HECTD4: variants seen among roughly 807,000 people sequenced by gnomAD.
The protein encoded by HECTD4 is HECT domain E3 ubiquitin protein ligase 4.
Under a neutral mutation model 471.5 loss-of-function variants are expected in HECTD4, and 114 were observed. The ratio of observed to expected loss-of-function variants is 0.24; its 90% CI spans 0.21 to 0.28. HECTD4 has a LOEUF of 0.28. Among genes scored for constraint, HECTD4 ranks in the 10% least tolerant of loss-of-function variants. HECTD4 has a pLI of 1.00. For missense variants in HECTD4, 3,866 were observed against 5,651.5 expected (o/e 0.68, Z 10.13); for synonymous variants, 2,012 against 2,256.0 (o/e 0.89, Z 3.07).
At chr12:112,360,721 C>T (rs1378173528) in intron 1 of HECTD4, among the ~76,000 whole-genome samples, 2 of 152,164 alleles carry the variant, frequency 1.3e-5, no homozygotes, top group African/African-American at 4.8e-5. Context: ...CGGTGGCTCA[C>T]GCCTGTAATT....
At chr12:112,280,394 G>A (rs10161290) in intron 8 of HECTD4, among the ~76,000 whole-genome samples, 23,545 of 152,066 alleles carry the variant, frequency 0.15, 2,427 homozygotes, top group African/African-American at 0.29. Flanking sequence ...GATTGATTAT[G>A]TCAACAGAGA....
intron 29 of HECTD4, among the ~76,000 whole-genome samples, chr12:112,245,830 A>C (rs926088667): frequency 6.6e-6 from 1 of 152,192 alleles, no homozygotes; most frequent in Non-Finnish European, 1.5e-5. Context: ...TTTTTAGGCT[A>C]ACAATTAAAA....
intron 8 of HECTD4, among the ~76,000 whole-genome samples, chr12:112,280,234 C>CT (rs1203395339): frequency 2.0e-5 from 3 of 151,772 alleles, no homozygotes; most frequent in Admixed American, 6.6e-5. Flanking sequence ...ATACATTTTT[C>CT]TTTTTTTTAA....
chr12:112,190,635 G>T (rs1290301203), intron 60 of HECTD4, 151 bp downstream of exon 60: 4 of 619,584 alleles, frequency 6.5e-6, no homozygotes, highest in Non-Finnish European at 1.1e-5. Context: ...TATTCCCCAA[G>T]CCCACTTCAA....
chr12:112,185,257 C>T lies in HECTD4; in HGVS notation c.9709G>A (p.Gly3237Arg). ...TQNWVSGGAC[G>R]GSGGAAAGDQ... ...CCGGCCGCCGCCCCCCCGGAGCCCC[C>T]GCAGGCGCCGCCTGAGACCCAGTTC... The change falls in exon 61 of 76, where the codon GGG (glycine) becomes AGG (arginine). Residue 3237 changes from glycine to arginine, a missense_variant. By Grantham distance (125) the Gly-to-Arg change is moderately radical (BLOSUM62 -2). This residue lies in a region of HECTD4 where 364 missense variants were observed against 413.2 expected (regional missense o/e 0.88). Coordinates refer to ENST00000682272, the MANE Select transcript of HECTD4 (RefSeq NM_001388303.1). 2 of 1,549,970 alleles carry T rather than the reference C, an allele frequency of 1.3e-6. No individual in the cohort carries two copies. The highest frequency in any genetic ancestry group is 1.7e-6 in the Non-Finnish European group (2 of 1,146,452).
intron 1 of HECTD4, among the ~76,000 whole-genome samples, chr12:112,326,382 A>C (rs1054977724): frequency 5.3e-5 from 8 of 152,144 alleles, no homozygotes; most frequent in African/African-American, 1.9e-4. Context: ...AGTCCCAGCT[A>C]CCTAAAAGGC....
chr12:112,301,260 C>T (rs142003107), intron 7 of HECTD4, among the ~76,000 whole-genome samples: 5 of 150,742 alleles, frequency 3.3e-5, no homozygotes, highest in African/African-American at 1.2e-4. Flanking sequence ...TCAGCTCCGC[C>T]TTGGTGGAGC....
At position 112,256,503 on chromosome 12, in the gene HECTD4, C is replaced by T. The variant is rs529297560; in HGVS notation, c.3144G>A (p.Lys1048=). The part of the protein sequence containing the change: ...LFPDERMLEE[K]EEPGFLTGLK... ...AACCAGTGAGAAATCCTGGCTCTTC[C>T]TTCTCTTCTAACATTCTAAACAGAA... Residue 1048 remains lysine (K), a synonymous_variant, in exon 21 of 76, where the codon AAG becomes AAA. Coordinates refer to ENST00000682272, the MANE Select transcript of HECTD4 (RefSeq NM_001388303.1). 62 of 1,589,262 alleles carry T rather than the reference C, an allele frequency of 3.9e-5. No individual in the cohort carries two copies. In the South Asian group the frequency reaches 7.0e-4, roughly 18 times the overall value.
At chr12:112,209,073 A>T (rs1593931893) in intron 50 of HECTD4, among the ~76,000 whole-genome samples, 1 of 151,068 alleles carries the variant, frequency 6.6e-6, no homozygotes, top group African/African-American at 2.4e-5. Context: ...GCTATTTTTT[A>T]AATTTTTTTG....
intron 10 of HECTD4, 68 bp from the exon 11 acceptor site, chr12:112,273,863 C>A: frequency 6.4e-7 from 1 of 1,560,684 alleles, no homozygotes; most frequent in South Asian, 1.2e-5. Context: ...TTCTCACAAG[C>A]ACTGCTACAA....
chr12:112,316,249 A>G (rs1050240728), intron 2 of HECTD4, among the ~76,000 whole-genome samples: 1 of 152,128 alleles, frequency 6.6e-6, no homozygotes, highest in African/African-American at 2.4e-5. Flanking sequence ...ACTCTCTGCC[A>G]CTGGCTGCTT....
At chr12:112,225,620 CAAA>C (rs781152688) in intron 44 of HECTD4, among the ~76,000 whole-genome samples, 11 of 56,262 alleles carry the variant, frequency 2.0e-4, no homozygotes, top group Non-Finnish European at 3.2e-4. Flanking sequence ...AATTGTAAGG[CAAA>C]AAAAAAAAAA....
At chr12:112,249,353 CAAA>C (rs766001113) in intron 25 of HECTD4, among the ~76,000 whole-genome samples, 217 of 90,418 alleles carry the variant, frequency 2.4e-3, no homozygotes, top group African/African-American at 8.1e-3. Context: ...GACTCCCTCT[CAAA>C]AAAAAAAAAA....
Position 112,235,240 on chromosome 12 carries a change from C to G in HECTD4, c.5752G>C (p.Ala1918Pro). 1 of 1,613,664 alleles carries G rather than the reference C, an allele frequency of 6.2e-7. No homozygotes were observed. The highest frequency in any genetic ancestry group is 8.5e-7 in the Non-Finnish European group (1 of 1,179,796). ...GTCAATGTGGTGTCAGGTTCAGAAG[C>G]GGTTGGAGAAAGAACTGTCTGACAT... ...PGCQTVLSPTASEPDTTLTKT... is the reference protein window; with the variant it reads ...PGCQTVLSPTPSEPDTTLTKT... The change falls in exon 37 of 76, where the codon GCT (alanine) becomes CCT (proline). Residue 1918 changes from alanine to proline, a missense_variant. Transcript: ENST00000682272. This position sits in a 1 kb window ranked among gnomAD's most constrained non-coding sequence, Gnocchi z 5.0.
chr12:112,285,201 G>A (rs2034724832), intron 7 of HECTD4, among the ~76,000 whole-genome samples: 1 of 152,134 alleles, frequency 6.6e-6, no homozygotes. Flanking sequence ...GCTGGCGAGT[G>A]AAGCCAGCAC....
chr12:112,376,323 T>A (rs1164139007), intron 1 of HECTD4, among the ~76,000 whole-genome samples: 3 of 152,084 alleles, frequency 2.0e-5, no homozygotes, highest in Admixed American at 6.6e-5. Flanking sequence ...CTCGGCTCAC[T>A]GCAAGCTCCG....
In HECTD4 at chr12:112,252,363, T is replaced by C. The variant is rs145131415; in HGVS notation, c.3552+61A>G. ...CTGTTTCCAAGGCAAATATGCTGTATGTAATCAAGGCACATAGCAGATAGT... is the reference window on the plus strand; with the variant it reads ...CTGTTTCCAAGGCAAATATGCTGTACGTAATCAAGGCACATAGCAGATAGT... On this transcript the variant is annotated intron_variant, in intron 23 of 75. Transcript: ENST00000682272. 1.5e-3 allele frequency: 2,292 copies of C among 1,487,522 alleles called. 2 individuals are homozygous for C. The highest frequency in any genetic ancestry group is 1.8e-3 in the Non-Finnish European group (1,988 of 1,116,552). The allele number at this position is 1,487,522 out of a possible 1,614,324, so 92.1% of individuals were successfully genotyped here. A position where few individuals can be genotyped will look rare whatever the true frequency, so the allele number is the denominator to read the frequency against.
At position 112,179,095 on chromosome 12, in the gene HECTD4, G is replaced by C. The variant is rs2137019554; in HGVS notation, c.11212-13C>G. Reference sequence around the variant, plus strand: ...ACTTCCTCAGGATCTGTGGAGCACAGAGGCAGCGGGGAGGCTCTCAGGTTC... The same window carrying C: ...ACTTCCTCAGGATCTGTGGAGCACACAGGCAGCGGGGAGGCTCTCAGGTTC... On this transcript the variant is annotated splice_polypyrimidine_tract_variant and intron_variant, in intron 63 of 75. Transcript: ENST00000682272. The surrounding 1 kb of genome is among the most constrained non-coding windows in gnomAD (Gnocchi z 4.3). The C allele has an allele frequency of 6.2e-7, 1 of 1,613,936 alleles. No individual in the cohort carries two copies. Among genetic ancestry groups the C allele is most frequent in the East Asian group, 2.2e-5 (1 of 44,878 alleles).
At chr12:112,362,045 T>C (rs1392893613) in intron 1 of HECTD4, among the ~76,000 whole-genome samples, 1 of 152,196 alleles carries the variant, frequency 6.6e-6, no homozygotes. Flanking sequence ...GTTAACACTA[T>C]AGGTTCCCAA....
Sources: gnomAD v4.1 joint callset for allele counts (sites outside exome capture counted in the v4.1 genomes callset) on GRCh38, gnomAD v4.1.1 for gene constraint, gnomAD v4.1.1 regional missense constraint, Gnocchi (gnomAD v3.1) non-coding constraint, MANE v1.5 for transcripts, NCBI Gene and HGNC (gene_info 2026-07-23, HGNC 2026-07-21) for gene names.